PIK3R1: variants seen among roughly 807,000 people sequenced by gnomAD.
The protein encoded by PIK3R1 is phosphoinositide-3-kinase regulatory subunit 1.
Under a neutral mutation model 98.0 loss-of-function variants are expected in PIK3R1, and 29 were observed. That is an observed-to-expected ratio of 0.30 (90% CI 0.22 to 0.40). The LOEUF is 0.40. Among genes scored for constraint, PIK3R1 ranks in the 10% least tolerant of loss-of-function variants. The pLI, the probability that PIK3R1 is intolerant of heterozygous loss-of-function variation, is 1.00. For synonymous variants in PIK3R1, 282 were observed against 311.8 expected (o/e 0.90, Z 1.01); for missense variants, 596 against 872.7 (o/e 0.68, Z 3.99).
chr5:68,292,672 C>T (rs1236942192), intron 8 of PIK3R1: 29 of 1,299,466 alleles, frequency 2.2e-5, no homozygotes, highest in Non-Finnish European at 2.8e-5. Flanking sequence ...GAATTCTTGC[C>T]TTAAACACAA....
Position 68,297,680 on chromosome 5 carries a change from G to T in PIK3R1, c.*79G>T. 8.4e-7 allele frequency: 1 copy of T among 1,184,158 alleles called. No homozygotes were observed. The highest frequency in any genetic ancestry group is 2.3e-5 in the East Asian group (1 of 42,736). The allele number at this position is 1,184,158 out of a possible 1,614,324, so 73.4% of individuals were successfully genotyped here. A position where few individuals can be genotyped will look rare whatever the true frequency, so the allele number is the denominator to read the frequency against. ...AAAGCAAAGGGCTCCTCTCCAGTCT[G>T]ATCTGTGAATTGAGCTGCAGAAACG... is the stretch of plus-strand genomic sequence containing the variant. On this transcript the variant is annotated 3_prime_UTR_variant, in exon 16 of 16. Transcript: ENST00000521381.
chr5:68,280,693 T>C lies in PIK3R1; in HGVS notation c.800T>C (p.Ile267Thr). 1 of 1,614,100 alleles carries C rather than the reference T, an allele frequency of 6.2e-7. No individual in the cohort carries two copies. The highest frequency in any genetic ancestry group is 8.5e-7 in the Non-Finnish European group (1 of 1,179,990). The change falls in exon 6 of 16, where the codon ATT becomes ACT. Residue 267 changes from isoleucine (I) to threonine (T), a missense_variant. Physicochemically the swap from Ile to Thr is moderately conservative, Grantham distance 89 (BLOSUM62 -1). Around this residue, in one of 3 missense-constraint regions of PIK3R1, gnomAD observed 352 missense variants for 393.3 expected, o/e 0.90. Transcript: ENST00000521381. ...NLLNARVLSE[I>T]FSPMLFRFSA... ...TTGAATGCAAGAGTACTCTCTGAAA[T>C]TTTCAGCCCTATGCTTTTCAGATTC...
chr5:68,301,428 ATATATG>A lies in PIK3R1; in HGVS notation c.*3829_*3834del, dbSNP rs1239262109. 4.4e-4 allele frequency: 27 copies of A among 60,868 alleles called. 1 individual carries two copies. The highest frequency in any genetic ancestry group is 9.6e-3 in the Middle Eastern group (1 of 104). 3.8% of individuals were successfully genotyped at this position (60,868 alleles called of 1,614,324 possible). A position where few individuals can be genotyped will look rare whatever the true frequency, so the allele number is the denominator to read the frequency against. On this transcript the variant is annotated 3_prime_UTR_variant, in exon 16 of 16. Transcript: ENST00000521381. ...TATATATATATATATATATATATAT[ATATATG>A]TGTGTGTATATATATATATATGTGT...
intron 1 of PIK3R1, among the ~76,000 whole-genome samples, chr5:68,216,512 C>T (rs1743890525): frequency 6.6e-6 from 1 of 152,172 alleles, no homozygotes; most frequent in South Asian, 2.1e-4. Context: ...AAGTTTGCCG[C>T]CCTCCTCTTC....
chr5:68,268,010 C>T (rs1746194331), intron 2 of PIK3R1, among the ~76,000 whole-genome samples: 1 of 152,082 alleles, frequency 6.6e-6, no homozygotes, highest in Admixed American at 6.6e-5. Context: ...ATAAAGATTA[C>T]ATGACTAATT....
At chr5:68,233,708 C>T (rs1744563794) in intron 2 of PIK3R1, among the ~76,000 whole-genome samples, 1 of 152,148 alleles carries the variant, frequency 6.6e-6, no homozygotes, top group Admixed American at 6.5e-5. Flanking sequence ...ACATGGTATA[C>T]ATTGTTATAT....
At chr5:68,225,501 C>T (rs1251088428) in intron 1 of PIK3R1, among the ~76,000 whole-genome samples, 4 of 152,184 alleles carry the variant, frequency 2.6e-5, no homozygotes, top group African/African-American at 7.2e-5. Flanking sequence ...CTCTCGTTCT[C>T]GCCGCACATT....
intron 2 of PIK3R1, among the ~76,000 whole-genome samples, chr5:68,249,327 A>G (rs1442150341): frequency 1.3e-5 from 2 of 152,208 alleles, no homozygotes; most frequent in East Asian, 3.8e-4. Context: ...TTTTCTACTC[A>G]ATCAACTTTT....
intron 7 of PIK3R1, among the ~76,000 whole-genome samples, chr5:68,286,341 C>T (rs949805183): frequency 8.5e-5 from 13 of 152,146 alleles, no homozygotes; most frequent in African/African-American, 2.7e-4. Context: ...CTAGCAGCTT[C>T]GTGAAAACTG....
rs79873509 is a variant in PIK3R1 at position 68,301,178 on chromosome 5, G to A, written c.*3577G>A. 3,055 of 222,730 alleles carry A rather than the reference G, an allele frequency of 0.014. 40 individuals are homozygous for A. Among genetic ancestry groups the A allele is most frequent in the Non-Finnish European group, 0.019 (2,100 of 111,588 alleles). The allele number at this position is 222,730 out of a possible 1,614,324, so 13.8% of individuals were successfully genotyped here. ...CAGTTTAAAGCACAATGTCTCACAT[G>A]GGACAAAGTTCCAAAATGCCAAATT... On this transcript the variant is annotated 3_prime_UTR_variant, in exon 16 of 16. Transcript: ENST00000521381.
chr5:68,234,422 A>G lies in PIK3R1; in HGVS notation c.334+7413A>G, dbSNP rs72757658. Among the ~76,000 whole-genome samples the G allele has an allele frequency of 4.8e-3, 727 of 152,318 alleles. 1 individual carries two copies. Among genetic ancestry groups the G allele is most frequent in the Non-Finnish European group, 6.9e-3 (471 of 68,026 alleles). ...AGGATGGTTGGAAAGATGTACTTAC[A>G]TGACCTCATTGCACGATCTGATTGG... On this transcript the variant is annotated intron_variant, in intron 2 of 15. Coordinates refer to ENST00000521381, the MANE Select transcript of PIK3R1 (RefSeq NM_181523.3).
intron 2 of PIK3R1, among the ~76,000 whole-genome samples, chr5:68,232,243 A>C (rs1308333361): frequency 6.6e-6 from 1 of 152,220 alleles, no homozygotes; most frequent in South Asian, 2.1e-4. Context: ...TATATTCTCA[A>C]TACATTCTTG....
At chr5:68,264,839 C>T (rs555932778) in intron 2 of PIK3R1, among the ~76,000 whole-genome samples, 2 of 152,296 alleles carry the variant, frequency 1.3e-5, no homozygotes, top group South Asian at 2.1e-4. Context: ...GTGCACAGGG[C>T]AGCAGAGCTC....
intron 2 of PIK3R1, among the ~76,000 whole-genome samples, chr5:68,247,980 C>T (rs1038462896): frequency 1.2e-4 from 18 of 151,984 alleles, no homozygotes; most frequent in African/African-American, 4.3e-4. Flanking sequence ...TCAAGTATTT[C>T]CATACTGGGA....
rs978737122 is a variant in PIK3R1, at chr5:68,299,944, T to G, written c.*2343T>G. On this transcript the variant is annotated 3_prime_UTR_variant, in exon 16 of 16. Transcript: ENST00000521381. ...TCTCTGCTTTAAAGTTATTGTGATA[T>G]CCTTCTAGATCATACACAAGTCTAA... 1 of 233,236 alleles carries G rather than the reference T, an allele frequency of 4.3e-6. No individual in the cohort carries two copies. The highest frequency in any genetic ancestry group is 5.6e-5 in the Admixed American group (1 of 17,806). The allele number at this position is 233,236 out of a possible 1,614,324, so 14.4% of individuals were successfully genotyped here.
chr5:68,281,096 C>T (rs1580245797), intron 7 of PIK3R1, 90 bp downstream of exon 7: 4 of 785,056 alleles, frequency 5.1e-6, no homozygotes, highest in Middle Eastern at 2.4e-4. Context: ...TGAAGTAACA[C>T]AGCTTCTTAT....
In PIK3R1 at chr5:68,298,862, A is replaced by G; in HGVS notation, c.*1261A>G. 1 of 230,004 alleles carries G rather than the reference A, an allele frequency of 4.3e-6. No individual in the cohort carries two copies. The allele number at this position is 230,004 out of a possible 1,614,324, so 14.2% of individuals were successfully genotyped here. A position where few individuals can be genotyped will look rare whatever the true frequency, so the allele number is the denominator to read the frequency against. On this transcript the variant is annotated 3_prime_UTR_variant, in exon 16 of 16. Coordinates refer to ENST00000521381, the MANE Select transcript of PIK3R1 (RefSeq NM_181523.3). ...TCATAAAGAATTGTGAACTTCTTGA[A>G]TCTAGGGAGGGGGAATGTAGTGAAG...
intron 2 of PIK3R1, among the ~76,000 whole-genome samples, chr5:68,235,947 T>C (rs1021157708): frequency 6.6e-6 from 1 of 151,742 alleles, no homozygotes; most frequent in African/African-American, 2.4e-5. Context: ...CTCAGCTGAC[T>C]GCAACCTCTG....
chr5:68,221,103 C>G (rs1744079542), intron 1 of PIK3R1, among the ~76,000 whole-genome samples: 1 of 152,212 alleles, frequency 6.6e-6, no homozygotes, highest in African/African-American at 2.4e-5. Context: ...CTGTCTTGCC[C>G]TTGCAAGAGG....
Sources: gnomAD v4.1 joint callset for allele counts (sites outside exome capture counted in the v4.1 genomes callset) on GRCh38, gnomAD v4.1.1 for gene constraint, gnomAD v4.1.1 regional missense constraint, MANE v1.5 for transcripts, NCBI Gene and HGNC (gene_info 2026-07-23, HGNC 2026-07-21) for gene names.